Variants in AKNAD1 observed in about 807,000 individuals in gnomAD.
AKNAD1 encodes the protein AKNA domain containing 1.
AKNAD1 carries 67 observed loss-of-function variants against 90.8 expected under a neutral mutation model. That is an observed-to-expected ratio of 0.74 (90% confidence interval 0.61 to 0.90). The LOEUF (loss-of-function observed/expected upper bound fraction) is 0.90. Among genes scored for constraint, AKNAD1 ranks in the 40% least tolerant of loss-of-function variants. AKNAD1 has a pLI of 0.00. For synonymous variants in AKNAD1, 327 were observed against 341.4 expected, an observed-to-expected ratio of 0.96 and a Z score of 0.46; for missense variants, 957 against 975.4, an observed-to-expected ratio of 0.98 and a Z score of 0.25.
chr1:108,851,349 G>A (rs993879701), intron 2 of AKNAD1, among the ~76,000 whole-genome samples: 1 of 152,222 alleles, frequency 6.6e-6, no homozygotes, highest in Non-Finnish European at 1.5e-5. Context: ...AGAGAGCTCA[G>A]GGCCTGGGAA....
intron 7 of AKNAD1, among the ~76,000 whole-genome samples, chr1:108,835,356 C>T (rs1454660801): frequency 1.3e-5 from 2 of 152,164 alleles, no homozygotes; most frequent in African/African-American, 2.4e-5. Flanking sequence ...GAGTAATGTA[C>T]TCACTGTGAG....
intron 5 of AKNAD1, among the ~76,000 whole-genome samples, chr1:108,845,189 C>T (rs1041749612): frequency 7.2e-5 from 11 of 152,190 alleles, no homozygotes; most frequent in Admixed American, 4.6e-4. Flanking sequence ...AGATAAAAAG[C>T]GGCAGGTGTG....
Position 108,834,544 on chromosome 1 carries a change from A to AT in AKNAD1, c.1665-17_1665-16insA. The AT allele has an allele frequency of 6.3e-7, 1 of 1,581,846 alleles. No individual in the cohort carries two copies. Among genetic ancestry groups the AT allele is most frequent in the South Asian group, 1.2e-5 (1 of 86,852 alleles). ...GTTTAGGTAACTAATTTAAAAAAAA[A>AT]AAAAGCAGTTTGAATGTTAGAATCA... On this transcript the variant is annotated splice_polypyrimidine_tract_variant and intron_variant, in intron 8 of 15. Coordinates refer to ENST00000370001, the MANE Select transcript of AKNAD1 (RefSeq NM_152763.5).
intron 6 of AKNAD1, among the ~76,000 whole-genome samples, chr1:108,841,774 T>G (rs145093591): frequency 6.6e-6 from 1 of 152,274 alleles, no homozygotes; most frequent in Non-Finnish European, 1.5e-5. Context: ...AAGGGGACTA[T>G]TCTGGAGCTG....
At position 108,843,275 on chromosome 1, in the gene AKNAD1, G is replaced by C; in HGVS notation, c.1246-8C>G. 2 of 1,612,802 alleles carry C rather than the reference G, an allele frequency of 1.2e-6. No individual in the cohort carries two copies. Among genetic ancestry groups the C allele is most frequent in the Non-Finnish European group, 8.5e-7 (1 of 1,179,648 alleles). ...CTGCAGTTTCTCCAGGACCTGCAGC[G>C]GTGAAGTCACTGGAATCATTCACAT... On this transcript the variant is annotated splice_polypyrimidine_tract_variant and splice_region_variant and intron_variant, in intron 5 of 15. Coordinates refer to ENST00000370001, the MANE Select transcript of AKNAD1 (RefSeq NM_152763.5).
intron 4 of AKNAD1, 49 bp from the exon 5 acceptor site, chr1:108,848,863 T>C: frequency 6.2e-7 from 1 of 1,602,326 alleles, no homozygotes; most frequent in Non-Finnish European, 8.5e-7. Flanking sequence ...GTTTCTCATG[T>C]GTGAATTTGG....
At chr1:108,833,696 A>G (rs189312047) in intron 9 of AKNAD1, among the ~76,000 whole-genome samples, 8 of 151,104 alleles carry the variant, frequency 5.3e-5, no homozygotes, top group African/African-American at 1.5e-4. Flanking sequence ...TTAAAAAAAA[A>G]GGGTTTTTTC....
intron 15 of AKNAD1, among the ~76,000 whole-genome samples, chr1:108,816,679 A>C (rs1439754463): frequency 6.6e-6 from 1 of 152,120 alleles, no homozygotes; most frequent in East Asian, 1.9e-4. Flanking sequence ...ATGCGTATGG[A>C]AACATTTGAA....
chr1:108,837,475 C>T, intron 7 of AKNAD1, 75 bp downstream of exon 7: 4 of 1,326,824 alleles, frequency 3.0e-6, no homozygotes, highest in South Asian at 3.3e-5. Flanking sequence ...TCAGTGAATC[C>T]ATGAATTAGG....
At chr1:108,840,724 C>G (rs1247761906) in intron 6 of AKNAD1, among the ~76,000 whole-genome samples, 5 of 151,934 alleles carry the variant, frequency 3.3e-5, no homozygotes, top group Non-Finnish European at 7.4e-5. Flanking sequence ...GCTTTTTCAA[C>G]CAGTGGGGAA....
At chr1:108,834,331 G>T in intron 9 of AKNAD1, 116 bp downstream of exon 9, 1 of 836,446 alleles carries the variant, frequency 1.2e-6, no homozygotes, top group Non-Finnish European at 1.9e-6. Flanking sequence ...ATGCCATTAG[G>T]AAGAGGTAAG....
chr1:108,854,420 T>A (rs1664972867), intron 1 of AKNAD1, among the ~76,000 whole-genome samples: 1 of 152,230 alleles, frequency 6.6e-6, no homozygotes, highest in African/African-American at 2.4e-5. Context: ...ACCAAATTTT[T>A]ATGAGTCTAT....
rs1268506170 is a variant in AKNAD1, at chr1:108,826,738, TTTTC to T, written c.1936+463_1936+466del. Among the ~76,000 whole-genome samples, 31 of 105,876 alleles carry T rather than the reference TTTTC, an allele frequency of 2.9e-4. 1 individual carries two copies. Among genetic ancestry groups the T allele is most frequent in the African/African-American group, 8.8e-4 (25 of 28,440 alleles). 69.5% of individuals were successfully genotyped at this position (105,876 alleles called of 152,430 possible). On this transcript the variant is annotated intron_variant, in intron 11 of 15. Transcript: ENST00000370001. ...TGATTCTTTTTTTCTTTTCTTTTCT[TTTTC>T]TTTTTTTTTTTTTTTGAAACAGGGT...
At chr1:108,819,672 G>A (rs1663748270) in intron 14 of AKNAD1, among the ~76,000 whole-genome samples, 1 of 151,828 alleles carries the variant, frequency 6.6e-6, no homozygotes, top group African/African-American at 2.4e-5. Flanking sequence ...AGTGCTTTGG[G>A]TGACCAAGGT....
chr1:108,842,308 G>C (rs34272714), intron 6 of AKNAD1, among the ~76,000 whole-genome samples: 18,289 of 152,122 alleles, frequency 0.12, 1,182 homozygotes, highest in African/African-American at 0.13. Flanking sequence ...AAAATGCTAT[G>C]AATAGAAAGG....
intron 5 of AKNAD1, among the ~76,000 whole-genome samples, chr1:108,846,800 C>G (rs1218984827): frequency 6.6e-6 from 1 of 152,142 alleles, no homozygotes; most frequent in Non-Finnish European, 1.5e-5. Flanking sequence ...CCTACTGGAG[C>G]CCTCTACTTA....
chr1:108,829,411 G>A (rs1337226220), intron 10 of AKNAD1, among the ~76,000 whole-genome samples: 1 of 152,194 alleles, frequency 6.6e-6, no homozygotes. Context: ...GTTCTTTAAT[G>A]TCAAAATACT....
chr1:108,854,351 C>T (rs1664970663), intron 1 of AKNAD1, among the ~76,000 whole-genome samples: 1 of 152,200 alleles, frequency 6.6e-6, no homozygotes, highest in African/African-American at 2.4e-5. Flanking sequence ...CTGCTGGCAG[C>T]CTCCCTTGCC....
At chr1:108,849,162 A>G in intron 3 of AKNAD1, 102 bp from the exon 4 acceptor site, 1 of 1,047,648 alleles carries the variant, frequency 9.5e-7, no homozygotes, top group South Asian at 2.0e-5. Flanking sequence ...ACCACTTACT[A>G]TTTTTAAAAT....
Sources: allele counts gnomAD v4.1 joint callset (sites outside exome capture counted in the v4.1 genomes callset), GRCh38; gene constraint gnomAD v4.1.1; transcripts MANE v1.5; gene names NCBI Gene and HGNC (gene_info 2026-07-23, HGNC 2026-07-21).